The following TLL2 variants were observed in gnomAD, a reference collection of about 807,000 sequenced individuals.
The protein encoded by TLL2 is tolloid-like protein 2.
Under a neutral mutation model 123.0 loss-of-function variants are expected in TLL2, and 106 were observed. The observed-to-expected ratio is 0.86, with a 90% CI of 0.74 to 1.01. The LOEUF is 1.01. TLL2 is among the 50% of genes least tolerant of loss of function. The probability of loss-of-function intolerance (pLI) is 0.00; values close to 1 mark genes in which losing one functional copy is unlikely to be tolerated. For missense variants in TLL2, 1,332 were observed against 1,336.7 expected (o/e 1.00, Z 0.06); for synonymous variants, 494 against 516.8 (o/e 0.96, Z 0.60).
intron 4 of TLL2, among the ~76,000 whole-genome samples, chr10:96,430,432 ACTT>A (rs1846726615): frequency 6.6e-6 from 1 of 152,174 alleles, no homozygotes. Context: ...GCCAAAACAA[ACTT>A]CTTTTCCTTA....
intron 13 of TLL2, among the ~76,000 whole-genome samples, chr10:96,390,287 C>T (rs1262212058): frequency 6.6e-6 from 1 of 152,242 alleles, no homozygotes; most frequent in Non-Finnish European, 1.5e-5. Flanking sequence ...TGAGGGAAGC[C>T]AGTCCCCCTA....
Position 96,405,305 on chromosome 10 carries a change from C to T in TLL2, c.1194G>A (p.Leu398=). ...CATACCAGCACAGTCGGCTTTTAAACAAATCCATGGATGTGAAGTTTAATA... is the reference window on the plus strand; with the variant it reads ...CATACCAGCACAGTCGGCTTTTAAATAAATCCATGGATGTGAAGTTTAATA... The part of the protein sequence containing the change: ...KIVLNFTSMD[L]FKSRLCWYDY... Residue 398 remains leucine (L), a synonymous_variant, in exon 10 of 21, where the codon TTG becomes TTA. Coordinates refer to ENST00000357947, the MANE Select transcript of TLL2 (RefSeq NM_012465.4). 3 of 1,614,148 alleles carry T rather than the reference C, an allele frequency of 1.9e-6. No homozygotes were observed. Among genetic ancestry groups the T allele is most frequent in the Non-Finnish European group, 2.5e-6 (3 of 1,180,028 alleles).
At chr10:96,401,296 T>C (rs1846391424) in intron 10 of TLL2, among the ~76,000 whole-genome samples, 1 of 152,114 alleles carries the variant, frequency 6.6e-6, no homozygotes, top group Non-Finnish European at 1.5e-5. Context: ...TAATCCGCTC[T>C]CCCTCCTGCC....
chr10:96,413,907 G>A (rs1436438600), intron 7 of TLL2, among the ~76,000 whole-genome samples: 3 of 152,180 alleles, frequency 2.0e-5, no homozygotes, highest in Non-Finnish European at 4.4e-5. Context: ...CACTAGGCCT[G>A]TGTGTGCTTG....
chr10:96,435,745 C>T lies in TLL2; in HGVS notation c.365-2783G>A, dbSNP rs536127413. ...TTTTCTCCATGGAATTGTCTTGGTG[C>T]TCTTGTCCAAAATCAACTGGCCATC... On this transcript the variant is annotated intron_variant, in intron 3 of 20. Coordinates refer to ENST00000357947, the MANE Select transcript of TLL2 (RefSeq NM_012465.4). Among the ~76,000 whole-genome samples, 7 of 152,284 alleles carry T rather than the reference C, an allele frequency of 4.6e-5. No homozygotes were observed. In the East Asian group the frequency reaches 1.3e-3, roughly 29 times the overall value.
intron 7 of TLL2, 65 bp downstream of exon 7, chr10:96,420,891 G>T: frequency 6.8e-7 from 1 of 1,472,540 alleles, no homozygotes; most frequent in Non-Finnish European, 9.5e-7. Flanking sequence ...AGACCTCCAG[G>T]AATCCAACCC....
chr10:96,502,694 C>T (rs551164986), intron 1 of TLL2, among the ~76,000 whole-genome samples: 1 of 141,842 alleles, frequency 7.1e-6, no homozygotes, highest in South Asian at 2.2e-4. Context: ...GGAGAGGCGA[C>T]CCTGCGACCT....
chr10:96,486,563 C>A (rs1174076567), intron 1 of TLL2, among the ~76,000 whole-genome samples: 2 of 151,990 alleles, frequency 1.3e-5, no homozygotes, highest in African/African-American at 2.4e-5. Context: ...CTTTGACACT[C>A]GGGGGTTTTG....
chr10:96,491,521 A>G (rs940040000), intron 1 of TLL2, among the ~76,000 whole-genome samples: 1 of 152,204 alleles, frequency 6.6e-6, no homozygotes, highest in African/African-American at 2.4e-5. Flanking sequence ...GTGTTTCCTT[A>G]TGAAGCTCTG....
chr10:96,460,187 C>T (rs1173673846), intron 2 of TLL2, among the ~76,000 whole-genome samples: 1 of 152,140 alleles, frequency 6.6e-6, no homozygotes, highest in Non-Finnish European at 1.5e-5. Flanking sequence ...TGATTACTAT[C>T]CATATTATAT....
At chr10:96,500,732 G>C (rs1847525999) in intron 1 of TLL2, among the ~76,000 whole-genome samples, 1 of 137,760 alleles carries the variant, frequency 7.3e-6, no homozygotes, top group African/African-American at 2.6e-5. Flanking sequence ...GCTGCAGTGA[G>C]TAGTAGTTGT....
At chr10:96,429,585 A>G (rs962568116) in intron 4 of TLL2, among the ~76,000 whole-genome samples, 6 of 152,194 alleles carry the variant, frequency 3.9e-5, no homozygotes, top group African/African-American at 1.2e-4. Context: ...ACAAAACCTT[A>G]TCCAGGTTTT....
chr10:96,405,894 G>C (rs1322036907), intron 9 of TLL2, among the ~76,000 whole-genome samples: 1 of 152,158 alleles, frequency 6.6e-6, no homozygotes, highest in Non-Finnish European at 1.5e-5. Flanking sequence ...GTGTCAGCCT[G>C]TGCTGGCCAA....
chr10:96,512,483 G>A (rs1847641418), intron 1 of TLL2, among the ~76,000 whole-genome samples: 1 of 152,158 alleles, frequency 6.6e-6, no homozygotes, highest in South Asian at 2.1e-4. Flanking sequence ...GCCCCGGGAA[G>A]GAGCACCTGC....
intron 2 of TLL2, among the ~76,000 whole-genome samples, chr10:96,451,603 A>G (rs1480596155): frequency 6.6e-6 from 1 of 152,224 alleles, no homozygotes; most frequent in Non-Finnish European, 1.5e-5. Flanking sequence ...GTTCTCTTGA[A>G]CATGAGAATA....
rs1381391376 is a variant in TLL2 at position 96,513,675 on chromosome 10, G to A, written c.11C>T (p.Ala4Val). Residue 4 changes from alanine (A) to valine (V), a missense_variant, in exon 1 of 21, where the codon GCG becomes GTG. Physicochemically the swap from Ala to Val is moderately conservative, Grantham distance 64 (BLOSUM62 0). Transcript: ENST00000357947. MPR[A>V]TALGALVSLL... ...TGACACCAGGGCCCCAAGTGCAGTC[G>A]CCCGGGGCATGGTGGCGCGGGGCCG... 5.2e-6 allele frequency: 8 copies of A among 1,551,596 alleles called. No homozygotes were observed. In the Admixed American group the frequency reaches 1.5e-4, roughly 29 times the overall value.
At chr10:96,389,274 C>T (rs1163363387) in intron 13 of TLL2, among the ~76,000 whole-genome samples, 1 of 152,174 alleles carries the variant, frequency 6.6e-6, no homozygotes, top group East Asian at 1.9e-4. Flanking sequence ...GTTGTGACGA[C>T]TGAAAACGAT....
In TLL2 at chr10:96,413,105, T is replaced by C. The variant is rs978951469; in HGVS notation, c.1048+87A>G. On this transcript the variant is annotated intron_variant, in intron 8 of 20. Transcript: ENST00000357947. ...TAAAGCTGCCAAGGAATAGTCCCTTTAGGTCCCCCAAGTTGTTTTCCCAGC... is the reference window on the plus strand; with the variant it reads ...TAAAGCTGCCAAGGAATAGTCCCTTCAGGTCCCCCAAGTTGTTTTCCCAGC... 4.5e-6 allele frequency: 7 copies of C among 1,566,814 alleles called. No homozygotes were observed. In the Admixed American group the frequency reaches 1.1e-4, roughly 24 times the overall value.
chr10:96,379,810 G>A (rs1846170269), intron 16 of TLL2, among the ~76,000 whole-genome samples: 1 of 152,226 alleles, frequency 6.6e-6, no homozygotes, highest in African/African-American at 2.4e-5. Context: ...CAACAAGAGT[G>A]AAACTCCATC....
Sources: allele counts gnomAD v4.1 joint callset (sites outside exome capture counted in the v4.1 genomes callset), GRCh38; gene constraint gnomAD v4.1.1; transcripts MANE v1.5; gene names NCBI Gene and HGNC (gene_info 2026-07-23, HGNC 2026-07-21).